The following FARS2 variants were observed in gnomAD, a reference collection of about 807,000 sequenced individuals.
The protein encoded by FARS2 is phenylalanyl-tRNA synthetase 2, mitochondrial.
Under a neutral mutation model 46.4 loss-of-function variants are expected in FARS2, and 40 were observed. The observed-to-expected ratio is 0.86, with a 90% CI of 0.67 to 1.12. The LOEUF is 1.12. Ranked by LOEUF, FARS2 falls within the 50% of genes most tolerant of loss-of-function variation. FARS2 has a pLI of 0.00. For synonymous variants in FARS2, 234 were observed against 214.9 expected, an observed-to-expected ratio of 1.09 and a Z score of -0.78; for missense variants, 513 against 567.9, an observed-to-expected ratio of 0.90 and a Z score of 0.98.
chr6:5,329,523 A>G (rs1026108581), intron 1 of FARS2, among the ~76,000 whole-genome samples: 4 of 152,128 alleles, frequency 2.6e-5, no homozygotes, highest in Admixed American at 6.5e-5. Context: ...TGAGTGTTCT[A>G]CAATTCAGTT....
At chr6:5,673,755 T>C (rs576432803) in intron 6 of FARS2, among the ~76,000 whole-genome samples, 10 of 152,314 alleles carry the variant, frequency 6.6e-5, no homozygotes, top group Admixed American at 2.6e-4. Context: ...TTCACAGATT[T>C]GCACACAGGG....
intron 6 of FARS2, among the ~76,000 whole-genome samples, chr6:5,666,061 A>C (rs956892696): frequency 6.6e-6 from 1 of 152,172 alleles, no homozygotes. Flanking sequence ...GGGAAGATTC[A>C]TAGCATAGCA....
intron 1 of FARS2, among the ~76,000 whole-genome samples, chr6:5,291,698 A>C (rs975927709): frequency 2.0e-5 from 3 of 152,130 alleles, no homozygotes; most frequent in African/African-American, 7.2e-5. Context: ...TTTGAGGCTA[A>C]AGTGAGCTGT....
At chr6:5,488,741 T>A (rs1164331389) in intron 4 of FARS2, among the ~76,000 whole-genome samples, 1 of 152,130 alleles carries the variant, frequency 6.6e-6, no homozygotes. Flanking sequence ...CCACCTAACT[T>A]CTCTTTCAGT....
At chr6:5,503,200 A>G (rs1303876557) in intron 4 of FARS2, among the ~76,000 whole-genome samples, 1 of 150,626 alleles carries the variant, frequency 6.6e-6, no homozygotes, top group Non-Finnish European at 1.5e-5. Flanking sequence ...ATATATAAAA[A>G]TATTTTAAGA....
chr6:5,448,490 C>T (rs1362071069), intron 4 of FARS2, among the ~76,000 whole-genome samples: 1 of 145,156 alleles, frequency 6.9e-6, no homozygotes, highest in South Asian at 2.1e-4. Flanking sequence ...TTTTCACTTA[C>T]AGTGTATTTT....
intron 4 of FARS2, among the ~76,000 whole-genome samples, chr6:5,462,687 TA>T (rs1765308468): frequency 6.6e-6 from 1 of 152,236 alleles, no homozygotes; most frequent in African/African-American, 2.4e-5. Context: ...AAAATCTGTA[TA>T]TAGAACTGTG....
chr6:5,756,235 T>C (rs889966883), intron 6 of FARS2, among the ~76,000 whole-genome samples: 1 of 152,244 alleles, frequency 6.6e-6, no homozygotes, highest in African/African-American at 2.4e-5. Flanking sequence ...TATTTACTTT[T>C]TGCGTCTGGA....
rs185448492 is a variant in FARS2 at position 5,620,656 on chromosome 6, C to G, written c.1217+7336C>G. Among the ~76,000 whole-genome samples the G allele has an allele frequency of 2.9e-4, 44 of 152,224 alleles. 1 individual carries two copies. In the East Asian group the frequency reaches 8.5e-3, roughly 30 times the overall value. The stretch of plus-strand genomic sequence containing the variant: ...GCTCTTTTTTGTCTTATACAGAGTT[C>G]AGAATACCCCACCTGGGCCCCGAGT... On this transcript the variant is annotated intron_variant, in intron 6 of 6. Transcript: ENST00000274680.
intron 3 of FARS2, among the ~76,000 whole-genome samples, chr6:5,407,068 A>ATATATATATATATATATATATATATAT (rs1562017961): frequency 2.3e-5 from 1 of 42,874 alleles, no homozygotes. Context: ...TATATATATA[A>ATATATATATATATATATATATATATAT]TGACCAATAA....
chr6:5,417,532 T>C (rs1305695910), intron 3 of FARS2, among the ~76,000 whole-genome samples: 2 of 152,188 alleles, frequency 1.3e-5, no homozygotes, highest in African/African-American at 2.4e-5. Context: ...CTGGCCCTTT[T>C]AGTTTTTTAG....
intron 1 of FARS2, among the ~76,000 whole-genome samples, chr6:5,358,511 A>G (rs552612420): frequency 6.6e-6 from 1 of 152,304 alleles, no homozygotes; most frequent in Non-Finnish European, 1.5e-5. Context: ...AGAGAGAGAA[A>G]GCCAGAGTAT....
At chr6:5,715,314 C>T (rs1759430370) in intron 6 of FARS2, among the ~76,000 whole-genome samples, 1 of 152,174 alleles carries the variant, frequency 6.6e-6, no homozygotes, top group African/African-American at 2.4e-5. Context: ...CCCACACCCT[C>T]CCCAGCATGC....
chr6:5,406,775 C>T (rs1319117416), intron 3 of FARS2, among the ~76,000 whole-genome samples: 3 of 151,150 alleles, frequency 2.0e-5, no homozygotes, highest in Non-Finnish European at 4.4e-5. Flanking sequence ...TCCTCATAAA[C>T]ATAGGTATAT....
At chr6:5,340,886 G>A (rs749533037) in intron 1 of FARS2, among the ~76,000 whole-genome samples, 22 of 151,878 alleles carry the variant, frequency 1.4e-4, no homozygotes, top group Non-Finnish European at 2.5e-4. Flanking sequence ...GGTGGCTCAC[G>A]CCTGTAATCC....
intron 3 of FARS2, among the ~76,000 whole-genome samples, chr6:5,411,411 G>A (rs919070366): frequency 2.0e-5 from 3 of 152,146 alleles, no homozygotes; most frequent in Non-Finnish European, 4.4e-5. Flanking sequence ...TTGTGGTAAA[G>A]CCTCCATTTA....
At chr6:5,692,689 AT>A (rs1757829866) in intron 6 of FARS2, among the ~76,000 whole-genome samples, 1 of 152,260 alleles carries the variant, frequency 6.6e-6, no homozygotes, top group African/African-American at 2.4e-5. Flanking sequence ...TATTTCTATA[AT>A]GTATAAAAAT....
At chr6:5,274,049 G>A (rs552823512) in intron 1 of FARS2, among the ~76,000 whole-genome samples, 50 of 152,194 alleles carry the variant, frequency 3.3e-4, no homozygotes, top group Admixed American at 1.4e-3. Context: ...AGATATTCAC[G>A]TACAGGAAAA....
At chr6:5,293,471 T>C (rs1767639842) in intron 1 of FARS2, among the ~76,000 whole-genome samples, 1 of 152,160 alleles carries the variant, frequency 6.6e-6, no homozygotes. Flanking sequence ...GACCATTCTG[T>C]ATATCTACAT....
Sources: gnomAD v4.1 joint callset for allele counts (sites outside exome capture counted in the v4.1 genomes callset) on GRCh38, gnomAD v4.1.1 for gene constraint, MANE v1.5 for transcripts, NCBI Gene and HGNC (gene_info 2026-07-23, HGNC 2026-07-21) for gene names.